The following CISD1 variants were observed in gnomAD, a reference collection of about 807,000 sequenced individuals.
CISD1 encodes the protein CDGSH iron sulfur domain 1, also known as CDGSH iron-sulfur domain-containing protein 1.
A neutral mutation model predicts 12.0 loss-of-function variants in CISD1; 8 were observed. The observed-to-expected ratio is 0.67, with a 90% CI of 0.39 to 1.20. The LOEUF (loss-of-function observed/expected upper bound fraction) is 1.20. Among genes scored for constraint, CISD1 ranks in the 50% most tolerant of loss-of-function variants. The pLI, the probability that CISD1 is intolerant of heterozygous loss-of-function variation, is 0.01. For synonymous variants in CISD1, 38 were observed against 42.2 expected (o/e 0.90, Z 0.39); for missense variants, 107 against 132.7 (o/e 0.81, Z 0.95).
intron 1 of CISD1, among the ~76,000 whole-genome samples, chr10:58,274,860 G>GA (rs1342856706): frequency 1.5e-4 from 23 of 151,996 alleles, no homozygotes; most frequent in Admixed American, 7.2e-4. Context: ...AATTACATGA[G>GA]AAAAAAGAAT....
In CISD1 at chr10:58,279,922, A is replaced by C. The variant is rs1044864268; in HGVS notation, c.237+2600A>C. 6.6e-5 allele frequency among the ~76,000 whole-genome samples: 10 copies of C among 152,218 alleles called. 1 individual carries two copies. Among genetic ancestry groups the C allele is most frequent in the African/African-American group, 2.4e-4 (10 of 41,452 alleles). On this transcript the variant is annotated intron_variant, in intron 2 of 2. Coordinates refer to ENST00000333926, the MANE Select transcript of CISD1 (RefSeq NM_018464.5). ...CAAGGCAGGAGGATCACTTGAGGCC[A>C]GGAGTTCAGTACCAGCCTGGGCAAC...
Position 58,287,689 on chromosome 10 carries a change from G to GT in CISD1, c.*41dup, listed in dbSNP as rs1839444175. On this transcript the variant is annotated 3_prime_UTR_variant, in exon 3 of 3. Transcript: ENST00000333926. Reference sequence around the variant, plus strand: ...ATGCTGCAAATCAGCTTGTCGTGAAGTTACCTGATTGTTTAATTAGAATGA... The same window carrying GT: ...ATGCTGCAAATCAGCTTGTCGTGAAGTTTACCTGATTGTTTAATTAGAATGA... 7.4e-7 allele frequency: 1 copy of GT among 1,359,472 alleles called. No individual in the cohort carries two copies. The highest frequency in any genetic ancestry group is 1.9e-5 in the Admixed American group (1 of 52,186). 84.2% of individuals were successfully genotyped at this position (1,359,472 alleles called of 1,614,324 possible). A position where few individuals can be genotyped will look rare whatever the true frequency, so the allele number is the denominator to read the frequency against.
chr10:58,270,408 G>A (rs1839231947), intron 1 of CISD1, among the ~76,000 whole-genome samples: 1 of 152,102 alleles, frequency 6.6e-6, no homozygotes, highest in Admixed American at 6.5e-5. Context: ...GAGGCAGCTT[G>A]GTGCATTTAA....
intron 2 of CISD1, among the ~76,000 whole-genome samples, chr10:58,283,909 G>C (rs1267709618): frequency 6.6e-6 from 1 of 151,932 alleles, no homozygotes; most frequent in Non-Finnish European, 1.5e-5. Context: ...TGACATCTTA[G>C]AATAAATTAA....
At chr10:58,287,425 A>G in intron 2 of CISD1, 136 bp from the exon 3 acceptor site, 1 of 522,570 alleles carries the variant, frequency 1.9e-6, no homozygotes, top group South Asian at 3.5e-5. Flanking sequence ...TAGTTTACAT[A>G]TGCTGTTTAA....
intron 2 of CISD1, among the ~76,000 whole-genome samples, chr10:58,281,043 A>G (rs944811310): frequency 3.3e-5 from 5 of 152,218 alleles, no homozygotes; most frequent in African/African-American, 7.2e-5. Context: ...TTGAGTGAAC[A>G]CTACAGCTTG....
chr10:58,273,934 G>T (rs1229702004), intron 1 of CISD1, among the ~76,000 whole-genome samples: 1 of 152,194 alleles, frequency 6.6e-6, no homozygotes, highest in Non-Finnish European at 1.5e-5. Flanking sequence ...AGGAGTTCAA[G>T]ACCGGCCTGG....
At chr10:58,279,904 G>A (rs1839355503) in intron 2 of CISD1, among the ~76,000 whole-genome samples, 1 of 152,172 alleles carries the variant, frequency 6.6e-6, no homozygotes, top group Non-Finnish European at 1.5e-5. Flanking sequence ...AGCCAAGGCA[G>A]GAGGATCACT....
intron 1 of CISD1, 77 bp downstream of exon 1, chr10:58,269,381 T>TACC: frequency 7.4e-7 from 1 of 1,352,754 alleles, no homozygotes. Flanking sequence ...TGGGTTGTTT[T>TACC]ACCACTGCCC....
chr10:58,282,431 CT>C, intron 2 of CISD1, among the ~76,000 whole-genome samples: 1 of 152,294 alleles, frequency 6.6e-6, no homozygotes, highest in East Asian at 1.9e-4. Flanking sequence ...ATTACGTCAT[CT>C]CTTGATTGCA....
chr10:58,287,508 C>A, intron 2 of CISD1, 53 bp from the exon 3 acceptor site: 3 of 1,330,838 alleles, frequency 2.3e-6, no homozygotes, highest in Non-Finnish European at 3.2e-6. Context: ...CTCTGCCGAG[C>A]ATAATACTGA....
At chr10:58,277,606 CT>C (rs61477182) in intron 2 of CISD1, among the ~76,000 whole-genome samples, 71,278 of 144,270 alleles carry the variant, frequency 0.49, 19,650 homozygotes, top group African/African-American at 0.77. Context: ...CTTTTTCTTT[CT>C]TTTTTTTTTT....
At chr10:58,273,515 A>C (rs1839272493) in intron 1 of CISD1, 1 of 150,174 alleles carries the variant, frequency 6.7e-6, no homozygotes, top group Admixed American at 6.6e-5. Context: ...TTTCTAAGTT[A>C]AAGCAAAATA....
At chr10:58,283,183 CCT>C (rs1839391881) in intron 2 of CISD1, 1 of 151,822 alleles carries the variant, frequency 6.6e-6, no homozygotes, top group Non-Finnish European at 1.5e-5. Context: ...AAAGAGAAAT[CCT>C]CCATCCTGTT....
chr10:58,283,928 A>G (rs1193466001), intron 2 of CISD1, among the ~76,000 whole-genome samples: 1 of 152,244 alleles, frequency 6.6e-6, no homozygotes, highest in Admixed American at 6.5e-5. Context: ...AAGTATCAAT[A>G]CTACACGAAC....
At chr10:58,269,325 G>T in intron 1 of CISD1, 21 bp downstream of exon 1, 1 of 1,604,464 alleles carries the variant, frequency 6.2e-7, no homozygotes, top group East Asian at 2.2e-5. Context: ...GCCTGGGAGC[G>T]GGTGAGGCTG....
At chr10:58,273,148 A>G (rs2132277074) in intron 1 of CISD1, among the ~76,000 whole-genome samples, 2 of 152,298 alleles carry the variant, frequency 1.3e-5, no homozygotes, top group East Asian at 1.9e-4. Flanking sequence ...CCACACCCTG[A>G]TACAGCAGGT....
At chr10:58,273,849 G>C (rs1375872490) in intron 1 of CISD1, among the ~76,000 whole-genome samples, 1 of 152,148 alleles carries the variant, frequency 6.6e-6, no homozygotes, top group Non-Finnish European at 1.5e-5. Flanking sequence ...AAAGAAAAGC[G>C]AGGGCTGGTC....
At chr10:58,280,134 A>G (rs754669788) in intron 2 of CISD1, among the ~76,000 whole-genome samples, 10 of 152,256 alleles carry the variant, frequency 6.6e-5, no homozygotes, top group Admixed American at 6.5e-4. Flanking sequence ...TTGTGAACAA[A>G]GGTGAAATGA....
Sources: gnomAD v4.1 joint callset for allele counts (sites outside exome capture counted in the v4.1 genomes callset) on GRCh38, gnomAD v4.1.1 for gene constraint, MANE v1.5 for transcripts, NCBI Gene and HGNC (gene_info 2026-07-23, HGNC 2026-07-21) for gene names.